Variants in ZNF423 observed in about 807,000 individuals in gnomAD.
ZNF423 encodes Ebf-associated zinc finger protein.
ZNF423 carries 12 observed loss-of-function variants against 95.8 expected under a neutral mutation model. The observed-to-expected ratio is 0.13, with a 90% confidence interval of 0.08 to 0.20. The LOEUF is 0.20. Ranked by LOEUF, ZNF423 falls within the 10% of genes least tolerant of loss-of-function variation. The probability of loss-of-function intolerance (pLI) is 1.00; values close to 1 mark genes in which losing one functional copy is unlikely to be tolerated. For missense variants in ZNF423, 1,316 were observed against 1,737.1 expected (o/e 0.76, Z 4.31); for synonymous variants, 749 against 711.9 (o/e 1.05, Z -0.83).
At chr16:49,574,555 G>T (rs995021093) in intron 5 of ZNF423, among the ~76,000 whole-genome samples, 7 of 152,214 alleles carry the variant, frequency 4.6e-5, no homozygotes, top group Non-Finnish European at 1.0e-4. Flanking sequence ...CCTGCTCTGA[G>T]AGTCTTGGTG....
At chr16:49,713,972 C>T (rs980409300) in intron 3 of ZNF423, among the ~76,000 whole-genome samples, 1 of 152,158 alleles carries the variant, frequency 6.6e-6, no homozygotes, top group Non-Finnish European at 1.5e-5. Context: ...AACTCCATCA[C>T]GCCTCCCACA....
chr16:49,725,253 G>T (rs761883369), intron 3 of ZNF423, among the ~76,000 whole-genome samples: 46 of 152,098 alleles, frequency 3.0e-4, no homozygotes, highest in Non-Finnish European at 5.4e-4. Context: ...GGTATGGTGG[G>T]GCATGCCTGT....
At chr16:49,523,240 G>C (rs1003071570) in intron 7 of ZNF423, among the ~76,000 whole-genome samples, 1 of 152,172 alleles carries the variant, frequency 6.6e-6, no homozygotes, top group Non-Finnish European at 1.5e-5. Context: ...CCTAACTCCT[G>C]TTCCCACACA....
chr16:49,724,649 C>G (rs1403234902), intron 3 of ZNF423, among the ~76,000 whole-genome samples: 1 of 152,220 alleles, frequency 6.6e-6, no homozygotes, highest in Non-Finnish European at 1.5e-5. Flanking sequence ...GGCAAAGGTG[C>G]CAGCTCCACA....
At chr16:49,677,282 A>AGAAGAGAAGAGAAGGGAAGG (rs1195080287) in intron 3 of ZNF423, among the ~76,000 whole-genome samples, 4 of 81,500 alleles carry the variant, frequency 4.9e-5, no homozygotes, top group Admixed American at 1.3e-4. Flanking sequence ...AGAAGAGAAG[A>AGAAGAGAAGAGAAGGGAAGG]GAAGAGAAGA....
At chr16:49,560,644 C>G (rs1015872774) in intron 5 of ZNF423, among the ~76,000 whole-genome samples, 1 of 152,172 alleles carries the variant, frequency 6.6e-6, no homozygotes, top group African/African-American at 2.4e-5. Flanking sequence ...GAGGCCTCGT[C>G]CAAGCCATCC....
intron 2 of ZNF423, among the ~76,000 whole-genome samples, chr16:49,741,260 C>T (rs1281227791): frequency 6.6e-6 from 1 of 151,638 alleles, no homozygotes; most frequent in Non-Finnish European, 1.5e-5. Flanking sequence ...TTTGGGGGGC[C>T]AAGGCGGGTG....
At chr16:49,779,276 A>C (rs2034171008) in intron 2 of ZNF423, among the ~76,000 whole-genome samples, 1 of 151,882 alleles carries the variant, frequency 6.6e-6, no homozygotes, top group Non-Finnish European at 1.5e-5. Context: ...GGGCAGCGGG[A>C]GCACTGAGGG....
At chr16:49,639,570 G>A (rs1470012922) in intron 3 of ZNF423, among the ~76,000 whole-genome samples, 3 of 152,156 alleles carry the variant, frequency 2.0e-5, no homozygotes, top group Non-Finnish European at 4.4e-5. Flanking sequence ...CCTGGCCCAG[G>A]CCATCCTGAG....
intron 3 of ZNF423, among the ~76,000 whole-genome samples, chr16:49,692,290 G>C (rs2031813830): frequency 1.3e-5 from 2 of 152,020 alleles, no homozygotes; most frequent in Admixed American, 1.3e-4. Context: ...TGACATATGA[G>C]GACTTCTTCC....
chr16:49,515,224 C>T (rs1968087486), intron 7 of ZNF423, among the ~76,000 whole-genome samples: 1 of 152,276 alleles, frequency 6.6e-6, no homozygotes, highest in Non-Finnish European at 1.5e-5. Flanking sequence ...CAGCCCTGGC[C>T]CCGCGCGCAC....
rs77177702 is a variant in ZNF423 at position 49,744,055 on chromosome 16, T to A, written c.101-13084A>T. On this transcript the variant is annotated intron_variant, in intron 2 of 7. Transcript: ENST00000563137. ...GCCTCAGCCCACCTCCAAGGATCCA[T>A]GCAAGCAGCTGGCTCCTCCAGGAGA... Among the ~76,000 whole-genome samples, 17 of 152,172 alleles carry A rather than the reference T, an allele frequency of 1.1e-4. No homozygotes were observed. The East Asian group carries it at 2.9e-3, about 26-fold the overall frequency.
intron 5 of ZNF423, among the ~76,000 whole-genome samples, chr16:49,599,295 A>G (rs1270212153): frequency 1.3e-5 from 2 of 152,214 alleles, no homozygotes; most frequent in African/African-American, 2.4e-5. Flanking sequence ...AGGGAAACCT[A>G]CCCTGCACAC....
intron 5 of ZNF423, among the ~76,000 whole-genome samples, chr16:49,617,999 C>T (rs886240773): frequency 6.6e-6 from 1 of 152,228 alleles, no homozygotes; most frequent in African/African-American, 2.4e-5. Context: ...ATGCTGATGC[C>T]GCTGGATCCT....
chr16:49,504,899 G>A (rs1273437966), intron 7 of ZNF423, among the ~76,000 whole-genome samples: 1 of 152,168 alleles, frequency 6.6e-6, no homozygotes, highest in Non-Finnish European at 1.5e-5. Context: ...TTTCCCCTAT[G>A]GAAAGGCCTC....
chr16:49,815,723 C>T (rs1013067693), intron 1 of ZNF423, among the ~76,000 whole-genome samples: 3 of 151,350 alleles, frequency 2.0e-5, no homozygotes, highest in East Asian at 3.9e-4. Flanking sequence ...GAACAGAGCA[C>T]GCAGGCTTGG....
intron 1 of ZNF423, among the ~76,000 whole-genome samples, chr16:49,815,871 A>ATAT (rs1491275175): frequency 3.9e-5 from 1 of 25,834 alleles, no homozygotes; most frequent in African/African-American, 1.8e-4. Context: ...CCAAACAAAC[A>ATAT]AAAAAAAAAA....
At chr16:49,712,051 A>C (rs1266124835) in intron 3 of ZNF423, 1 of 152,228 alleles carries the variant, frequency 6.6e-6, no homozygotes, top group African/African-American at 2.4e-5. Context: ...TGAGCCCAGG[A>C]GGCTGCAGTG....
intron 5 of ZNF423, among the ~76,000 whole-genome samples, chr16:49,610,656 G>A (rs1312574935): frequency 1.3e-5 from 2 of 152,024 alleles, no homozygotes; most frequent in Non-Finnish European, 2.9e-5. Flanking sequence ...ATGGCAGACT[G>A]AAGCTCTCAC....
Sources: allele counts gnomAD v4.1 joint callset (sites outside exome capture counted in the v4.1 genomes callset), GRCh38; gene constraint gnomAD v4.1.1; transcripts MANE v1.5; gene names NCBI Gene and HGNC (gene_info 2026-07-23, HGNC 2026-07-21).